The following PITRM1 variants were observed in gnomAD, a reference collection of about 807,000 sequenced individuals.
PITRM1 encodes pitrilysin metallopeptidase 1, also known as presequence protease, mitochondrial.
A neutral mutation model predicts 129.9 loss-of-function variants in PITRM1; 100 were observed. The ratio of observed to expected loss-of-function variants is 0.77; its 90% CI spans 0.65 to 0.91. The LOEUF is 0.91. Among genes scored for constraint, PITRM1 ranks in the 40% least tolerant of loss-of-function variants. The probability of loss-of-function intolerance (pLI) is 0.00; values close to 1 mark genes in which losing one functional copy is unlikely to be tolerated. For synonymous variants in PITRM1, 591 were observed against 508.8 expected (o/e 1.16, Z -2.17); for missense variants, 1,471 against 1,318.3 (o/e 1.12, Z -1.79).
At chr10:3,141,870 G>A (rs938094066) in intron 23 of PITRM1, 19 of 227,254 alleles carry the variant, frequency 8.4e-5, no homozygotes, top group East Asian at 2.6e-4. Context: ...AGCGCCACTC[G>A]GGTGGCTGGG....
intron 8 of PITRM1, 90 bp from the exon 9 acceptor site, chr10:3,160,026 C>G (rs2132469857): frequency 8.1e-7 from 1 of 1,238,680 alleles, no homozygotes; most frequent in East Asian, 2.5e-5. Flanking sequence ...TGGAGCGAAA[C>G]AGGCTTTCCA....
intron 1 of PITRM1, among the ~76,000 whole-genome samples, chr10:3,171,338 T>TAA (rs71383153): frequency 0.074 from 10,549 of 142,392 alleles, 417 homozygotes; most frequent in Middle Eastern, 0.11. Flanking sequence ...GGTAAAATAT[T>TAA]AAAAAAAAAA....
chr10:3,156,922 T>G lies in PITRM1; in HGVS notation c.1482+8A>C. On this transcript the variant is annotated splice_region_variant and intron_variant, in intron 13 of 26. Transcript: ENST00000224949. ...AAATTAGAGAAATGAATTATCCAAC[T>G]TTCTTACCTTAAAATACTGTTTTAC... 1 of 1,526,252 alleles carries G rather than the reference T, an allele frequency of 6.6e-7. No individual in the cohort carries two copies. The highest frequency in any genetic ancestry group is 8.8e-7 in the Non-Finnish European group (1 of 1,134,810). 94.5% of individuals were successfully genotyped at this position (1,526,252 alleles called of 1,614,324 possible).
chr10:3,154,799 C>T (rs1253285098), intron 14 of PITRM1, among the ~76,000 whole-genome samples: 1 of 152,098 alleles, frequency 6.6e-6, no homozygotes, highest in Non-Finnish European at 1.5e-5. Flanking sequence ...TTTGGGTCCC[C>T]TTCTCTCCCG....
intron 16 of PITRM1, chr10:3,149,386 G>T (rs1841267871): frequency 2.7e-6 from 1 of 365,640 alleles, no homozygotes; most frequent in East Asian, 4.3e-5. Flanking sequence ...CTGAGATGGA[G>T]ATCTATAAGT....
At position 3,137,761 on chromosome 10, in the gene PITRM1, T is replaced by TA; in HGVS notation, c.*269dup. On this transcript the variant is annotated 3_prime_UTR_variant, in exon 27 of 27. Transcript: ENST00000224949. ...GAGTTGCCCTTTATTTTTAGATTCTTAAATATTCTAGAATGAGGTAAAACG... is the reference window on the plus strand; with the variant it reads ...GAGTTGCCCTTTATTTTTAGATTCTTAAAATATTCTAGAATGAGGTAAAACG... 1 of 460,634 alleles carries TA rather than the reference T, an allele frequency of 2.2e-6. No homozygotes were observed. Among genetic ancestry groups the TA allele is most frequent in the Non-Finnish European group, 4.0e-6 (1 of 247,426 alleles). 28.5% of individuals were successfully genotyped at this position (460,634 alleles called of 1,614,324 possible).
At chr10:3,143,316 G>A (rs1031232025) in intron 23 of PITRM1, 73 bp downstream of exon 23, 4 of 954,134 alleles carry the variant, frequency 4.2e-6, no homozygotes, top group Admixed American at 1.8e-5. Flanking sequence ...AACACGCCCT[G>A]TGAACTCGAA....
chr10:3,145,759 A>C (rs575118235), intron 20 of PITRM1, 43 bp from the exon 21 acceptor site: 10 of 1,427,688 alleles, frequency 7.0e-6, no homozygotes, highest in Non-Finnish European at 9.6e-6. Context: ...TGTTAGAAAA[A>C]ACAGTTTTAG....
intron 7 of PITRM1, among the ~76,000 whole-genome samples, chr10:3,161,932 T>C (rs1842475344): frequency 1.3e-5 from 2 of 151,228 alleles, no homozygotes; most frequent in African/African-American, 4.9e-5. Context: ...CCCAGCACTT[T>C]GGGAGGTCAA....
At chr10:3,160,355 A>C in intron 7 of PITRM1, 25 bp from the exon 8 acceptor site, 1 of 1,569,684 alleles carries the variant, frequency 6.4e-7, no homozygotes. Context: ...GAATATAATT[A>C]GTCTGTTTTA....
chr10:3,143,803 C>T (rs1399899098), intron 22 of PITRM1: 21 of 624,344 alleles, frequency 3.4e-5, no homozygotes, highest in African/African-American at 7.2e-5. Flanking sequence ...TTTCATTCTA[C>T]GCCGTTTATA....
Position 3,138,949 on chromosome 10 carries a change from A to G in PITRM1, c.2872T>C (p.Ser958Pro). Residue 958 changes from serine (S) to proline (P), a missense_variant, in exon 25 of 27, where the codon TCT becomes CCT. By Grantham distance (74) the Ser-to-Pro change is moderately conservative (BLOSUM62 -1). Transcript: ENST00000224949. ...TQQDIDEAKL[S>P]VFSTVDAPVA... ...GGAGCATCTACGGTTGAGAAGACAG[A>G]AAGTTTGGCTTCGTCGATGTCTTGC... 6.2e-6 allele frequency: 10 copies of G among 1,613,952 alleles called. No individual in the cohort carries two copies. The highest frequency in any genetic ancestry group is 2.2e-5 in the South Asian group (2 of 91,082).
chr10:3,157,115 C>A (rs947042849), intron 12 of PITRM1, 51 bp from the exon 13 acceptor site: 44 of 1,544,096 alleles, frequency 2.8e-5, no homozygotes, highest in Non-Finnish European at 3.9e-5. Flanking sequence ...ACAGTACAAC[C>A]TCCACCAACA....
intron 22 of PITRM1, 177 bp downstream of exon 22, chr10:3,144,115 G>A (rs3752802): frequency 0.25 from 148,223 of 603,938 alleles, 18,852 homozygotes; most frequent in Non-Finnish European, 0.27. Context: ...ACTCAGTACT[G>A]TCTGAGAGAG....
intron 7 of PITRM1, chr10:3,163,122 G>T (rs141804732): frequency 6.6e-6 from 1 of 152,156 alleles, no homozygotes; most frequent in Non-Finnish European, 1.5e-5. Flanking sequence ...CATTATTCTA[G>T]TATCTCTACT....
chr10:3,170,292 T>C, intron 1 of PITRM1, 86 bp from the exon 2 acceptor site: 2 of 904,664 alleles, frequency 2.2e-6, no homozygotes, highest in Non-Finnish European at 3.4e-6. Flanking sequence ...AATACTCTCA[T>C]GTAATAAAGA....
chr10:3,159,429 C>T (rs567917698), intron 9 of PITRM1, among the ~76,000 whole-genome samples: 3 of 152,234 alleles, frequency 2.0e-5, no homozygotes, highest in Admixed American at 6.5e-5. Flanking sequence ...TGAACACCCC[C>T]GGGCATGGTT....
At chr10:3,166,100 G>A in intron 4 of PITRM1, 129 bp downstream of exon 4, 1 of 676,880 alleles carries the variant, frequency 1.5e-6, no homozygotes, top group South Asian at 2.5e-5. Context: ...CCTTCAACTA[G>A]AGAGAGGTAA....
rs1200846911 is a variant in PITRM1 at position 3,166,245 on chromosome 10, G to A, written c.402C>T (p.Phe134=). ...TGGTCTTACCTGTGAAGGCGTTCAT[G>A]AACGTGGAGAGGGACCGGTTCAACA... The part of the protein sequence containing the change: ...FKMLNRSLST[F]MNAFTASDYT... The change falls in exon 4 of 27, where the codon TTC becomes TTT. Residue 134 remains phenylalanine (F), a synonymous_variant. Coordinates refer to ENST00000224949, the MANE Select transcript of PITRM1 (RefSeq NM_014889.4). 2 of 1,611,942 alleles carry A rather than the reference G, an allele frequency of 1.2e-6. No individual in the cohort carries two copies. The highest frequency in any genetic ancestry group is 1.3e-5 in the African/African-American group (1 of 74,954).
Sources: allele counts gnomAD v4.1 joint callset (sites outside exome capture counted in the v4.1 genomes callset), GRCh38; gene constraint gnomAD v4.1.1; transcripts MANE v1.5; gene names NCBI Gene and HGNC (gene_info 2026-07-23, HGNC 2026-07-21).